Variants in HIVEP3 observed in about 807,000 individuals in gnomAD.
HIVEP3 encodes HIVEP zinc finger 3, also known as transcription factor HIVEP3.
A neutral mutation model predicts 152.8 loss-of-function variants in HIVEP3; 49 were observed. That is an observed-to-expected ratio of 0.32 (90% CI 0.26 to 0.41). The LOEUF is 0.41. Among genes scored for constraint, HIVEP3 ranks in the 10% least tolerant of loss-of-function variants. The pLI, the probability that HIVEP3 is intolerant of heterozygous loss-of-function variation, is 1.00. For synonymous variants in HIVEP3, 1,269 were observed against 1,289.0 expected (o/e 0.98, Z 0.33); for missense variants, 2,790 against 3,103.3 (o/e 0.90, Z 2.40).
intron 1 of HIVEP3, among the ~76,000 whole-genome samples, chr1:41,900,376 C>T (rs1284611734): frequency 6.6e-6 from 1 of 152,220 alleles, no homozygotes; most frequent in Non-Finnish European, 1.5e-5. Context: ...GTTATTCTCA[C>T]ATCCAGTGGA....
At chr1:41,728,833 G>A (rs765253220) in intron 1 of HIVEP3, among the ~76,000 whole-genome samples, 42 of 152,170 alleles carry the variant, frequency 2.8e-4, no homozygotes, top group African/African-American at 8.4e-4. Context: ...CAGCTGCTGC[G>A]GTGAAGGTGT....
chr1:41,847,528 CT>C (rs1396279738), intron 1 of HIVEP3: 1 of 152,172 alleles, frequency 6.6e-6, no homozygotes, highest in Non-Finnish European at 1.5e-5. Flanking sequence ...GCTTTTTCTT[CT>C]TTTTATTTGT....
rs1645761137 is a variant in HIVEP3 at position 41,664,228 on chromosome 1, C to T, written c.-720-35281G>A. On this transcript the variant is annotated intron_variant, in intron 2 of 8. Transcript: ENST00000372583. The surrounding 1 kb of genome is among the most constrained non-coding windows in gnomAD (Gnocchi z 4.4). ...TCCTGCTCCTCACTCCACTCCTGCC[C>T]TGCCCCCACTGTCCTGCTTCCCGTT... 6.6e-6 allele frequency among the ~76,000 whole-genome samples: 1 copy of T among 152,240 alleles called. No homozygotes were observed. The highest frequency in any genetic ancestry group is 1.5e-5 in the Non-Finnish European group (1 of 68,048).
intron 1 of HIVEP3, among the ~76,000 whole-genome samples, chr1:41,979,036 C>A (rs1645280224): frequency 1.3e-5 from 2 of 152,128 alleles, no homozygotes; most frequent in South Asian, 4.1e-4. Flanking sequence ...CCCCAGCACC[C>A]CTGCTTTCAC....
At position 41,580,403 on chromosome 1, in the gene HIVEP3, T is replaced by C. The variant is rs780641978; in HGVS notation, c.4395A>G (p.Val1465=). 10 of 1,614,206 alleles carry C rather than the reference T, an allele frequency of 6.2e-6. No individual in the cohort carries two copies. In the Middle Eastern group the frequency reaches 4.9e-4, roughly 80 times the overall value. ...ASKADEKLEL[V]KPCSVVLTST... is the part of the protein sequence containing the mutation. ...TGGTAAGGACCACACTGCATGGTTT[T>C]ACCAGCTCAAGTTTTTCATCTGCCT... Residue 1465 remains valine, a synonymous_variant, in exon 4 of 9, where the codon GTA becomes GTG. Coordinates refer to ENST00000372583, the MANE Select transcript of HIVEP3 (RefSeq NM_024503.5).
intron 1 of HIVEP3, among the ~76,000 whole-genome samples, chr1:41,934,864 C>A (rs1645012498): frequency 6.6e-6 from 1 of 152,036 alleles, no homozygotes; most frequent in East Asian, 1.9e-4. Context: ...AATTGCCTGG[C>A]AAAGAATATG....
At chr1:41,550,637 A>G (rs2149080838) in intron 5 of HIVEP3, among the ~76,000 whole-genome samples, 2 of 152,264 alleles carry the variant, frequency 1.3e-5, no homozygotes, top group South Asian at 4.1e-4. Context: ...CTTTGTAGCA[A>G]TTGTGAATGG....
At position 41,555,307 on chromosome 1, in the gene HIVEP3, G is replaced by A. The variant is rs750302541; in HGVS notation, c.5207+20237C>T. On this transcript the variant is annotated intron_variant, in intron 5 of 8. Transcript: ENST00000372583. ...GGGCATGGGACCTGCTGAGCCAGGCGCAGAATATAATGTCCTGGTGTGCCG... is the reference window on the plus strand; with the variant it reads ...GGGCATGGGACCTGCTGAGCCAGGCACAGAATATAATGTCCTGGTGTGCCG... Among the ~76,000 whole-genome samples the A allele has an allele frequency of 1.4e-4, 22 of 152,222 alleles. 1 individual carries two copies. Among genetic ancestry groups the A allele is most frequent in the African/African-American group, 4.6e-4 (19 of 41,464 alleles).
intron 1 of HIVEP3, among the ~76,000 whole-genome samples, chr1:41,835,161 G>A (rs1643085088): frequency 6.6e-6 from 1 of 152,202 alleles, no homozygotes; most frequent in African/African-American, 2.4e-5. Flanking sequence ...TACATGGAGA[G>A]TAACTTGTTT....
intron 2 of HIVEP3, among the ~76,000 whole-genome samples, chr1:41,661,573 C>T (rs1043052719): frequency 4.6e-5 from 7 of 152,206 alleles, no homozygotes; most frequent in Admixed American, 1.3e-4. Flanking sequence ...AGGAGGGGCT[C>T]CTCGGAGGAT....
intron 1 of HIVEP3, among the ~76,000 whole-genome samples, chr1:41,754,268 G>A (rs1330330450): frequency 5.3e-5 from 8 of 152,116 alleles, no homozygotes; most frequent in African/African-American, 1.9e-4. Context: ...TTTGAGCAGA[G>A]GAGGACCCCT....
At chr1:41,859,841 T>C (rs1317024161) in intron 1 of HIVEP3, among the ~76,000 whole-genome samples, 1 of 152,212 alleles carries the variant, frequency 6.6e-6, no homozygotes, top group Non-Finnish European at 1.5e-5. Context: ...TGCCTGTTCA[T>C]GTTTAAAAAG....
chr1:41,684,576 C>G (rs1646087475), intron 2 of HIVEP3, among the ~76,000 whole-genome samples: 1 of 152,214 alleles, frequency 6.6e-6, no homozygotes, highest in South Asian at 2.1e-4. Flanking sequence ...TGTTTAATAG[C>G]TGGGCTCTGG....
At chr1:41,749,431 T>TGTGTGTGTGTGTGTGTGTGTGTGA in intron 1 of HIVEP3, among the ~76,000 whole-genome samples, 1 of 151,478 alleles carries the variant, frequency 6.6e-6, no homozygotes, top group Admixed American at 6.6e-5. Context: ...TGTGTGTGTG[T>TGTGTGTGTGTGTGTGTGTGTGTGA]GATGGAGAGA....
Position 41,510,402 on chromosome 1 carries a change from G to A in HIVEP3, c.*49C>T, listed in dbSNP as rs374062125. 2.6e-4 allele frequency: 362 copies of A among 1,384,426 alleles called. 2 individuals are homozygous for A. The African/African-American group carries it at 4.4e-3, about 17-fold the overall frequency. 85.8% of individuals were successfully genotyped at this position (1,384,426 alleles called of 1,614,324 possible). A position where few individuals can be genotyped will look rare whatever the true frequency, so the allele number is the denominator to read the frequency against. ...TGATTCGAGGAAAGTGGCTGGAAAC[G>A]TCTGTTGCTGGACACTGGAAGCCAG... On this transcript the variant is annotated 3_prime_UTR_variant, in exon 9 of 9. Coordinates refer to ENST00000372583, the MANE Select transcript of HIVEP3 (RefSeq NM_024503.5).
intron 1 of HIVEP3, among the ~76,000 whole-genome samples, chr1:41,961,972 G>A (rs1645172119): frequency 6.6e-6 from 1 of 152,220 alleles, no homozygotes; most frequent in African/African-American, 2.4e-5. Flanking sequence ...TGGATAGATA[G>A]AAAATATTCC....
At chr1:41,957,455 G>A (rs944064173) in intron 1 of HIVEP3, among the ~76,000 whole-genome samples, 10 of 152,304 alleles carry the variant, frequency 6.6e-5, no homozygotes, top group African/African-American at 2.4e-4. Flanking sequence ...TTGGGGTTAA[G>A]TCCTGGCTTC....
intron 5 of HIVEP3, among the ~76,000 whole-genome samples, chr1:41,553,587 C>G (rs1013900194): frequency 6.6e-6 from 1 of 152,226 alleles, no homozygotes; most frequent in Admixed American, 6.5e-5. Flanking sequence ...GCAGTTTCTT[C>G]CTAGCATCGA....
chr1:41,681,391 G>A (rs765944144), intron 2 of HIVEP3, among the ~76,000 whole-genome samples: 2 of 152,340 alleles, frequency 1.3e-5, no homozygotes, highest in South Asian at 4.1e-4. Context: ...ACCGTGCTGA[G>A]CCTGATCTGT....
Sources: gnomAD v4.1 joint callset for allele counts (sites outside exome capture counted in the v4.1 genomes callset) on GRCh38, gnomAD v4.1.1 for gene constraint, Gnocchi (gnomAD v3.1) non-coding constraint, MANE v1.5 for transcripts, NCBI Gene and HGNC (gene_info 2026-07-23, HGNC 2026-07-21) for gene names.